ERO1A: variants seen among roughly 807,000 people sequenced by gnomAD.
ERO1A encodes ERO1-like protein alpha.
ERO1A carries 49 observed loss-of-function variants against 76.9 expected under a neutral mutation model. That is an observed-to-expected ratio of 0.64 (90% CI 0.51 to 0.81). The LOEUF is 0.81. ERO1A is among the 30% of genes least tolerant of loss of function. ERO1A has a pLI of 0.00. For synonymous variants in ERO1A, 174 were observed against 181.2 expected (o/e 0.96, Z 0.32); for missense variants, 448 against 542.1 (o/e 0.83, Z 1.72).
At chr14:52,685,762 C>T (rs1019403953) in intron 1 of ERO1A, among the ~76,000 whole-genome samples, 7 of 152,200 alleles carry the variant, frequency 4.6e-5, no homozygotes, top group African/African-American at 1.7e-4. Context: ...GTACTCCTTA[C>T]CACCCGCTGG....
chr14:52,695,282 C>T, intron 1 of ERO1A, 86 bp downstream of exon 1: 1 of 920,672 alleles, frequency 1.1e-6, no homozygotes, highest in South Asian at 3.4e-5. Flanking sequence ...GGACGCACCC[C>T]CAGCCGCTCA....
At position 52,652,312 on chromosome 14, in the gene ERO1A, C is replaced by T. The variant is rs369914079; in HGVS notation, c.1056-4G>A. The stretch of plus-strand genomic sequence containing the variant: ...ATCAAAATGCAAAGGAAATGACCTG[C>T]GTTTTAAAACAGAGAATATTCATTT... On this transcript the variant is annotated splice_region_variant and splice_polypyrimidine_tract_variant and intron_variant, in intron 12 of 15. Transcript: ENST00000395686. 11 of 1,597,720 alleles carry T rather than the reference C, an allele frequency of 6.9e-6. No individual in the cohort carries two copies. The African/African-American group carries it at 9.4e-5, about 14-fold the overall frequency.
chr14:52,662,317 C>T (rs1383548304), intron 8 of ERO1A, among the ~76,000 whole-genome samples: 1 of 152,092 alleles, frequency 6.6e-6, no homozygotes, highest in Non-Finnish European at 1.5e-5. Context: ...TCCACTGAGT[C>T]ACCACATGTG....
At chr14:52,661,018 G>A (rs1188270100) in intron 9 of ERO1A, among the ~76,000 whole-genome samples, 1 of 152,120 alleles carries the variant, frequency 6.6e-6, no homozygotes, top group South Asian at 2.1e-4. Context: ...TGAGGCAATG[G>A]GGGAGACGGG....
chr14:52,694,759 A>C (rs886680053), intron 1 of ERO1A, among the ~76,000 whole-genome samples: 1 of 152,198 alleles, frequency 6.6e-6, no homozygotes, highest in African/African-American at 2.4e-5. Flanking sequence ...AATTCGTACC[A>C]GCTTAACGGG....
intron 15 of ERO1A, among the ~76,000 whole-genome samples, chr14:52,645,198 TA>T (rs1429140220): frequency 2.0e-5 from 3 of 151,704 alleles, no homozygotes; most frequent in Admixed American, 1.3e-4. Context: ...AATAATTGGA[TA>T]AAAAAACTGC....
chr14:52,674,565 C>G (rs1594830693), intron 4 of ERO1A, among the ~76,000 whole-genome samples: 1 of 152,180 alleles, frequency 6.6e-6, no homozygotes, highest in East Asian at 1.9e-4. Flanking sequence ...CACCATTTAA[C>G]TATGTGCAAA....
At chr14:52,663,415 C>T (rs2040292550) in intron 8 of ERO1A, among the ~76,000 whole-genome samples, 1 of 151,794 alleles carries the variant, frequency 6.6e-6, no homozygotes, top group African/African-American at 2.4e-5. Context: ...CTGGCTAACA[C>T]GGTGAAACCT....
At chr14:52,664,936 C>A (rs540306494) in intron 7 of ERO1A, among the ~76,000 whole-genome samples, 1 of 152,146 alleles carries the variant, frequency 6.6e-6, no homozygotes, top group East Asian at 1.9e-4. Flanking sequence ...CGTGATCCGC[C>A]CGCCTTGGCC....
intron 2 of ERO1A, 59 bp from the exon 3 acceptor site, chr14:52,682,467 C>T (rs113857947): frequency 1.0e-5 from 13 of 1,279,934 alleles, no homozygotes; most frequent in Non-Finnish European, 1.3e-5. Context: ...TTATAATTGA[C>T]AGTTACAAAT....
chr14:52,673,622 AAAGT>A (rs1353334960), intron 4 of ERO1A, among the ~76,000 whole-genome samples: 1 of 152,260 alleles, frequency 6.6e-6, no homozygotes, highest in East Asian at 1.9e-4. Context: ...AATAGACAGC[AAAGT>A]AAGTACTATC....
At chr14:52,693,807 A>G (rs552433790) in intron 1 of ERO1A, among the ~76,000 whole-genome samples, 17 of 151,868 alleles carry the variant, frequency 1.1e-4, no homozygotes, top group Non-Finnish European at 2.2e-4. Context: ...CCAATTTACT[A>G]TTTTTCAAGG....
chr14:52,655,534 T>C (rs1594821850), intron 11 of ERO1A, among the ~76,000 whole-genome samples: 1 of 152,186 alleles, frequency 6.6e-6, no homozygotes, highest in African/African-American at 2.4e-5. Flanking sequence ...TATTTTTAAG[T>C]GTGAATGTTA....
chr14:52,643,408 T>C lies in ERO1A; in HGVS notation c.*162A>G. 2.0e-6 allele frequency: 1 copy of C among 490,736 alleles called. No individual in the cohort carries two copies. Among genetic ancestry groups the C allele is most frequent in the Non-Finnish European group, 3.6e-6 (1 of 279,768 alleles). 30.4% of individuals were successfully genotyped at this position (490,736 alleles called of 1,614,324 possible). On this transcript the variant is annotated 3_prime_UTR_variant, in exon 16 of 16. Coordinates refer to ENST00000395686, the MANE Select transcript of ERO1A (RefSeq NM_014584.3). ...AGTATTATACATAGACTTAACACAA[T>C]TTTTAAAAATGTGTTTACTTAAAAC...
At position 52,643,387 on chromosome 14, in the gene ERO1A, T is replaced by G. The variant is rs550320359; in HGVS notation, c.*183A>C. Reference sequence around the variant, plus strand: ...AGTATTACTTTTACTCACAGTAGTATTATACATAGACTTAACACAATTTTT... The same window carrying G: ...AGTATTACTTTTACTCACAGTAGTAGTATACATAGACTTAACACAATTTTT... On this transcript the variant is annotated 3_prime_UTR_variant, in exon 16 of 16. Coordinates refer to ENST00000395686, the MANE Select transcript of ERO1A (RefSeq NM_014584.3). 11 of 451,874 alleles carry G rather than the reference T, an allele frequency of 2.4e-5. No homozygotes were observed. Among genetic ancestry groups the G allele is most frequent in the East Asian group, 1.9e-4 (5 of 26,764 alleles). 28.0% of individuals were successfully genotyped at this position (451,874 alleles called of 1,614,324 possible). A position where few individuals can be genotyped will look rare whatever the true frequency, so the allele number is the denominator to read the frequency against.
chr14:52,661,305 C>A lies in ERO1A; in HGVS notation c.677-1G>T. 7.3e-7 allele frequency: 1 copy of A among 1,375,816 alleles called. No homozygotes were observed. The highest frequency in any genetic ancestry group is 2.4e-5 in the Admixed American group (1 of 40,892). The allele number at this position is 1,375,816 out of a possible 1,614,324, so 85.2% of individuals were successfully genotyped here. On this transcript the variant is annotated splice_acceptor_variant, in intron 8 of 15. Coordinates refer to ENST00000395686, the MANE Select transcript of ERO1A (RefSeq NM_014584.3). LOFTEE classifies it high-confidence loss of function. Reference sequence around the variant, plus strand: ...AAATTATACTTACCTTCACTTGTCCCTGAAAAGCAAAACAAAATGTTTATT... The same window carrying A: ...AAATTATACTTACCTTCACTTGTCCATGAAAAGCAAAACAAAATGTTTATT...
intron 1 of ERO1A, among the ~76,000 whole-genome samples, 166 bp downstream of exon 1, chr14:52,695,202 C>T (rs2041510217): frequency 6.6e-6 from 1 of 152,148 alleles, no homozygotes; most frequent in Non-Finnish European, 1.5e-5. Context: ...CCGGTCCACG[C>T]CAAGCCAGAC....
intron 6 of ERO1A, among the ~76,000 whole-genome samples, chr14:52,668,163 T>C (rs1405289375): frequency 6.6e-6 from 1 of 152,164 alleles, no homozygotes; most frequent in Admixed American, 6.5e-5. Context: ...AGTTCAGGAA[T>C]GGATAACTGT....
At position 52,663,841 on chromosome 14, in the gene ERO1A, C is replaced by T; in HGVS notation, c.636G>A (p.Gln212=). The change falls in exon 8 of 16, where the codon CAG becomes CAA. Residue 212 remains glutamine (Q), a synonymous_variant. Coordinates refer to ENST00000395686, the MANE Select transcript of ERO1A (RefSeq NM_014584.3). The stretch of plus-strand genomic sequence containing the variant: ...AAGGATTTAAAGGTCTTTTAATTGT[C>T]TGTGGCCTAGAAGTAAAAAGAATTA... ...VIYEENCFKP[Q]TIKRPLNPLA... 1 of 1,555,996 alleles carries T rather than the reference C, an allele frequency of 6.4e-7. No individual in the cohort carries two copies.
Sources: gnomAD v4.1 joint callset for allele counts (sites outside exome capture counted in the v4.1 genomes callset) on GRCh38, gnomAD v4.1.1 for gene constraint, MANE v1.5 for transcripts, NCBI Gene and HGNC (gene_info 2026-07-23, HGNC 2026-07-21) for gene names.